The following STN1 variants were observed in gnomAD, a reference collection of about 807,000 sequenced individuals.
The protein encoded by STN1 is STN1 subunit of CST complex.
Under a neutral mutation model 45.5 loss-of-function variants are expected in STN1, and 29 were observed. The observed-to-expected ratio is 0.64, with a 90% CI of 0.47 to 0.87. STN1 has a LOEUF of 0.87. STN1 is among the 40% of genes least tolerant of loss of function. The pLI is 0.00. For synonymous variants in STN1, 148 were observed against 159.0 expected, an observed-to-expected ratio of 0.93 and a Z score of 0.52; for missense variants, 376 against 441.4, an observed-to-expected ratio of 0.85 and a Z score of 1.33.
intron 9 of STN1, among the ~76,000 whole-genome samples, chr10:103,884,679 C>T (rs1166347578): frequency 1.3e-5 from 2 of 152,076 alleles, no homozygotes; most frequent in Non-Finnish European, 2.9e-5. Context: ...GGAAGGTGCT[C>T]GAAGAGGTAT....
At chr10:103,903,019 C>T (rs1843219161) in intron 4 of STN1, among the ~76,000 whole-genome samples, 1 of 152,114 alleles carries the variant, frequency 6.6e-6, no homozygotes, top group Non-Finnish European at 1.5e-5. Flanking sequence ...ATTATATATT[C>T]CTGATGATGC....
rs751693251 is a variant in STN1, at chr10:103,900,092, C to A, written c.427G>T (p.Glu143Ter). 1 of 1,614,158 alleles carries A rather than the reference C, an allele frequency of 6.2e-7. No individual in the cohort carries two copies. Among genetic ancestry groups the A allele is most frequent in the Non-Finnish European group, 8.5e-7 (1 of 1,180,008 alleles). Residue 143 changes from glutamate (E) to a stop codon, truncating the protein, a stop_gained, in exon 5 of 10, where the codon GAA (glutamate) becomes TAA (stop). Coordinates refer to ENST00000224950, the MANE Select transcript of STN1 (RefSeq NM_024928.5). LOFTEE classifies it high-confidence loss of function. ...GTGGTGGCATGAATCTCTCGCTCTT[C>A]TCTGTATGTGCGGATACTGCCTCTG... ...RVRGSIRTYR[E>*]EREIHATTYY...
intron 4 of STN1, 77 bp downstream of exon 4, chr10:103,905,014 T>A (rs1473907157): frequency 1.0e-5 from 13 of 1,263,000 alleles, no homozygotes; most frequent in Non-Finnish European, 5.8e-6. Flanking sequence ...TTTAGCCCTA[T>A]AGCTGTTTTG....
chr10:103,894,344 G>A (rs889352147), intron 7 of STN1, among the ~76,000 whole-genome samples: 1 of 151,990 alleles, frequency 6.6e-6, no homozygotes, highest in Admixed American at 6.6e-5. Flanking sequence ...CATATAAAAA[G>A]CCTAGTTCCC....
chr10:103,917,665 G>C lies in STN1; in HGVS notation c.-62-9C>G. ...ATCACTGAGTCAAGCATCTAGATGG[G>C]ACACAGAAATGAGGATGCAATGCGT... On this transcript the variant is annotated splice_polypyrimidine_tract_variant and intron_variant, in intron 1 of 9. Transcript: ENST00000224950. 6.5e-7 allele frequency: 1 copy of C among 1,541,870 alleles called. No homozygotes were observed.
At chr10:103,911,598 T>G (rs1843291436) in intron 2 of STN1, among the ~76,000 whole-genome samples, 2 of 152,164 alleles carry the variant, frequency 1.3e-5, no homozygotes. Flanking sequence ...CCCAGGCTGG[T>G]CTTGAACTCC....
chr10:103,895,618 C>T (rs184234652), intron 7 of STN1, among the ~76,000 whole-genome samples: 2 of 152,340 alleles, frequency 1.3e-5, no homozygotes, highest in East Asian at 3.9e-4. Flanking sequence ...CGATATCCCT[C>T]ATCTCCTCGT....
At chr10:103,898,835 CTGCCG>C (rs754290324) in intron 6 of STN1, 37 bp downstream of exon 6, 1 of 1,609,874 alleles carries the variant, frequency 6.2e-7, no homozygotes, top group African/African-American at 1.3e-5. Flanking sequence ...CTTCAGTTTT[CTGCCG>C]TGGTCACGTG....
Position 103,877,680 on chromosome 10 carries a change from C to T in STN1, c.*5004G>A, listed in dbSNP as rs1170814666. ...AAAACATTCTGGATTACAATGAAAA[C>T]TCACTTATGTGGGAGTTTGAGCTCA... On this transcript the variant is annotated 3_prime_UTR_variant, in exon 10 of 10. Coordinates refer to ENST00000224950, the MANE Select transcript of STN1 (RefSeq NM_024928.5). 2 of 152,214 alleles carry T rather than the reference C, an allele frequency of 1.3e-5. No homozygotes were observed. Among genetic ancestry groups the T allele is most frequent in the African/African-American group, 2.4e-5 (1 of 41,446 alleles). The allele number at this position is 152,214 out of a possible 1,614,324, so 9.4% of individuals were successfully genotyped here. A position where few individuals can be genotyped will look rare whatever the true frequency, so the allele number is the denominator to read the frequency against.
rs987845160 is a variant in STN1, at chr10:103,881,686, T to C, written c.*998A>G. Among the ~76,000 whole-genome samples, 7 of 152,224 alleles carry C rather than the reference T, an allele frequency of 4.6e-5. No homozygotes were observed. The highest frequency in any genetic ancestry group is 4.1e-4 in the South Asian group (2 of 4,822). On this transcript the variant is annotated 3_prime_UTR_variant, in exon 10 of 10. Coordinates refer to ENST00000224950, the MANE Select transcript of STN1 (RefSeq NM_024928.5). ...AAATGCAGCAGACGAAGGCAGTGCC[T>C]TCTGTGAAATGACTGTAATTAACTC...
intron 4 of STN1, among the ~76,000 whole-genome samples, chr10:103,902,946 T>A (rs1370217236): frequency 6.6e-6 from 1 of 152,232 alleles, no homozygotes; most frequent in Non-Finnish European, 1.5e-5. Flanking sequence ...ATTGATATTT[T>A]AAAAATCTGA....
intron 8 of STN1, 80 bp from the exon 9 acceptor site, chr10:103,889,224 T>C: frequency 1.2e-6 from 1 of 862,312 alleles, no homozygotes; most frequent in South Asian, 1.4e-5. Context: ...CAAATTAGTA[T>C]TCAGGATAGT....
chr10:103,902,829 C>T (rs867225701), intron 4 of STN1, among the ~76,000 whole-genome samples: 3 of 152,154 alleles, frequency 2.0e-5, no homozygotes, highest in Non-Finnish European at 4.4e-5. Flanking sequence ...AATTTAAAGA[C>T]GATGAGAATC....
At chr10:103,891,124 CT>C (rs1843136911) in intron 8 of STN1, among the ~76,000 whole-genome samples, 1 of 152,168 alleles carries the variant, frequency 6.6e-6, no homozygotes, top group African/African-American at 2.4e-5. Flanking sequence ...AGCAGCTCTT[CT>C]TTTAAGAGTC....
chr10:103,897,673 C>T lies in STN1; in HGVS notation c.628G>A (p.Glu210Lys), dbSNP rs1483081396. Residue 210 changes from glutamate (E) to lysine (K), a missense_variant, in exon 7 of 10, where the codon GAA becomes AAA. By Grantham distance (56) the Glu-to-Lys change is moderately conservative. Transcript: ENST00000224950. ...TCCATGAGGAATTCTTTGGCTTTTT[C>T]ACTCAGCAAACTCGTGAGACTGGGG... is the stretch of plus-strand genomic sequence containing the variant. ...DLPSLTSLLS[E>K]KAKEFLMENR... 1 of 1,614,106 alleles carries T rather than the reference C, an allele frequency of 6.2e-7. No individual in the cohort carries two copies. The highest frequency in any genetic ancestry group is 2.2e-5 in the East Asian group (1 of 44,902).
At position 103,880,885 on chromosome 10, in the gene STN1, GTA is replaced by G. The variant is rs147713550; in HGVS notation, c.*1797_*1798del. The stretch of plus-strand genomic sequence containing the variant: ...GAAGGGAGTGGTCGACTGTGTGTGT[GTA>G]TATATATATATATGTACATGTGCTA... On this transcript the variant is annotated 3_prime_UTR_variant, in exon 10 of 10. Coordinates refer to ENST00000224950, the MANE Select transcript of STN1 (RefSeq NM_024928.5). 1.3e-4 allele frequency among the ~76,000 whole-genome samples: 19 copies of G among 149,934 alleles called. No homozygotes were observed. The highest frequency in any genetic ancestry group is 4.2e-4 in the South Asian group (2 of 4,752).
chr10:103,917,491 A>G lies in STN1; in HGVS notation c.104T>C (p.Leu35Pro). ...CACCTGGCGGGACTCCTTCATGTCCAGGATATCCCTGATGTAGAGTTTTGC... is the reference window on the plus strand; with the variant it reads ...CACCTGGCGGGACTCCTTCATGTCCGGGATATCCCTGATGTAGAGTTTTGC... ...AFAKLYIRDI[L>P]DMKESRQVPG... The change falls in exon 2 of 10, where the codon CTG becomes CCG. Residue 35 changes from leucine to proline, a missense_variant. Coordinates refer to ENST00000224950, the MANE Select transcript of STN1 (RefSeq NM_024928.5). 2 of 1,613,930 alleles carry G rather than the reference A, an allele frequency of 1.2e-6. No homozygotes were observed. Among genetic ancestry groups the G allele is most frequent in the Non-Finnish European group, 8.5e-7 (1 of 1,179,904 alleles).
chr10:103,889,141 T>C lies in STN1; in HGVS notation c.880A>G (p.Thr294Ala). 1 of 1,610,698 alleles carries C rather than the reference T, an allele frequency of 6.2e-7. No individual in the cohort carries two copies. Among genetic ancestry groups the C allele is most frequent in the Non-Finnish European group, 8.5e-7 (1 of 1,176,914 alleles). The change falls in exon 9 of 10, where the codon ACC (threonine) becomes GCC (alanine). Residue 294 changes from threonine (T) to alanine (A), a missense_variant. By Grantham distance (58) the Thr-to-Ala change is moderately conservative. Transcript: ENST00000224950. ...CTGTGCAGGTCTTTGTCTTCTCTGG[T>C]TACCTAAATAGGAAAAATAGTTGAG... Reference protein sequence around the residue: ...DDGFDNLYYVTREDKDLHRKI... With the variant: ...DDGFDNLYYVAREDKDLHRKI...
intron 3 of STN1, among the ~76,000 whole-genome samples, chr10:103,909,432 A>G (rs914129356): frequency 8.4e-5 from 5 of 59,190 alleles, no homozygotes; most frequent in Admixed American, 2.2e-4. Context: ...ATGTATATAT[A>G]TGTATATATA....
Sources: gnomAD v4.1 joint callset for allele counts (sites outside exome capture counted in the v4.1 genomes callset) on GRCh38, gnomAD v4.1.1 for gene constraint, MANE v1.5 for transcripts, NCBI Gene and HGNC (gene_info 2026-07-23, HGNC 2026-07-21) for gene names.